PRKN: variants seen among roughly 807,000 people sequenced by gnomAD.
PRKN encodes the protein parkin RBR E3 ubiquitin protein ligase.
In PRKN, 56 loss-of-function variants were observed where a neutral mutation model predicts 59.5. The ratio of observed to expected loss-of-function variants is 0.94; its 90% confidence interval spans 0.76 to 1.18. The LOEUF (loss-of-function observed/expected upper bound fraction) is 1.18, where lower values mean the gene tolerates loss of function less well. PRKN is among the 50% of genes most tolerant of loss of function. The pLI is 0.00. For synonymous variants in PRKN, 250 were observed against 222.1 expected (o/e 1.13, Z -1.12); for missense variants, 657 against 596.4 (o/e 1.10, Z -1.06).
chr6:162,080,205 T>G (rs989843464), intron 4 of PRKN, among the ~76,000 whole-genome samples: 1 of 152,132 alleles, frequency 6.6e-6, no homozygotes, highest in Non-Finnish European at 1.5e-5. Flanking sequence ...GAAAAGTACC[T>G]AAGTTCAAGA....
chr6:161,747,085 C>T (rs1005007722), intron 7 of PRKN, among the ~76,000 whole-genome samples: 1 of 152,106 alleles, frequency 6.6e-6, no homozygotes, highest in Non-Finnish European at 1.5e-5. Context: ...CTGTAAAGCA[C>T]TGGCAGAATA....
Position 161,498,721 on chromosome 6 carries a change from G to A in PRKN, c.1083+50133C>T, listed in dbSNP as rs527454106. ...CAACCCTATTGGACAGGCCTTACGCGTGAGAAACAAACCTTTGTTGTTTCA... is the reference window on the plus strand; with the variant it reads ...CAACCCTATTGGACAGGCCTTACGCATGAGAAACAAACCTTTGTTGTTTCA... On this transcript the variant is annotated intron_variant, in intron 9 of 11. Coordinates refer to ENST00000366898, the MANE Select transcript of PRKN (RefSeq NM_004562.3). The surrounding 1 kb of genome is among the most constrained non-coding windows in gnomAD (Gnocchi z 4.2). Among the ~76,000 whole-genome samples, 2 of 152,156 alleles carry A rather than the reference G, an allele frequency of 1.3e-5. No individual in the cohort carries two copies. The highest frequency in any genetic ancestry group is 2.4e-5 in the African/African-American group (1 of 41,432).
chr6:162,080,541 G>A lies in PRKN; in HGVS notation c.535-26367C>T, dbSNP rs562671653. On this transcript the variant is annotated intron_variant, in intron 4 of 11. Coordinates refer to ENST00000366898, the MANE Select transcript of PRKN (RefSeq NM_004562.3). ...CTTGCACTATACTGTAGTTTGTTAAGTATGCAATAGTCTTATGTCTAAAAC... is the reference window on the plus strand; with the variant it reads ...CTTGCACTATACTGTAGTTTGTTAAATATGCAATAGTCTTATGTCTAAAAC... Among the ~76,000 whole-genome samples, 4 of 152,200 alleles carry A rather than the reference G, an allele frequency of 2.6e-5. No homozygotes were observed. The South Asian group carries it at 8.3e-4, about 32-fold the overall frequency.
At chr6:162,661,199 T>G (rs970003523) in intron 1 of PRKN, among the ~76,000 whole-genome samples, 7 of 151,906 alleles carry the variant, frequency 4.6e-5, no homozygotes, top group African/African-American at 1.5e-4. Flanking sequence ...AGGCAAAGGT[T>G]GCAGTGAGCT....
intron 3 of PRKN, among the ~76,000 whole-genome samples, chr6:162,237,459 G>A (rs534206491): frequency 9.6e-4 from 146 of 152,156 alleles, no homozygotes; most frequent in Admixed American, 1.6e-3. Context: ...ATCTCCAGTG[G>A]TCTGTTAAAT....
chr6:162,650,433 C>A (rs1172748189), intron 1 of PRKN, among the ~76,000 whole-genome samples: 1 of 151,520 alleles, frequency 6.6e-6, no homozygotes, highest in African/African-American at 2.4e-5. Context: ...CCCGTCTCTA[C>A]TAAAAATACA....
intron 2 of PRKN, among the ~76,000 whole-genome samples, chr6:162,384,778 T>C (rs1031334322): frequency 1.3e-5 from 2 of 152,158 alleles, no homozygotes; most frequent in African/African-American, 4.8e-5. Context: ...TTAAATTGTC[T>C]TATATGGCGG....
intron 2 of PRKN, among the ~76,000 whole-genome samples, chr6:162,301,015 T>C (rs557352156): frequency 6.6e-6 from 1 of 151,964 alleles, no homozygotes; most frequent in Non-Finnish European, 1.5e-5. Context: ...CACAGTTTTA[T>C]AACTTCTGAA....
intron 7 of PRKN, among the ~76,000 whole-genome samples, chr6:161,685,933 C>A (rs966204114): frequency 1.2e-4 from 19 of 152,272 alleles, no homozygotes; most frequent in African/African-American, 3.8e-4. Flanking sequence ...CGGTCCCAGG[C>A]CTGTGGCTCA....
At chr6:161,639,305 T>C (rs549406076) in intron 7 of PRKN, among the ~76,000 whole-genome samples, 7 of 152,322 alleles carry the variant, frequency 4.6e-5, no homozygotes, top group East Asian at 1.9e-4. Context: ...CAAATGACCA[T>C]TGGGGATCAG....
chr6:162,112,740 A>C (rs1780495182), intron 4 of PRKN, among the ~76,000 whole-genome samples: 2 of 151,908 alleles, frequency 1.3e-5, no homozygotes, highest in South Asian at 4.1e-4. Flanking sequence ...GGAGTTCAAG[A>C]TCAGCTTCAG....
chr6:162,458,946 G>A (rs905622137), intron 1 of PRKN, among the ~76,000 whole-genome samples: 5 of 151,718 alleles, frequency 3.3e-5, no homozygotes, highest in South Asian at 2.1e-4. Context: ...CCAGCCTCCC[G>A]AGTAGCTGGG....
intron 2 of PRKN, among the ~76,000 whole-genome samples, chr6:162,276,212 G>A (rs954038464): frequency 1.1e-4 from 16 of 152,100 alleles, no homozygotes; most frequent in Non-Finnish European, 2.1e-4. Flanking sequence ...AATCTCCTTC[G>A]TCTTCCATCT....
intron 3 of PRKN, among the ~76,000 whole-genome samples, chr6:162,243,845 A>C (rs1562608756): frequency 6.6e-6 from 1 of 152,078 alleles, no homozygotes; most frequent in Non-Finnish European, 1.5e-5. Flanking sequence ...CTTTTCAAGA[A>C]TTACTGTTTC....
chr6:162,611,945 G>T (rs1782176695), intron 1 of PRKN, among the ~76,000 whole-genome samples: 1 of 152,030 alleles, frequency 6.6e-6, no homozygotes, highest in East Asian at 1.9e-4. Context: ...CAGCACTTTG[G>T]GAGGCCAAGG....
intron 4 of PRKN, among the ~76,000 whole-genome samples, chr6:162,159,155 CTCTA>C (rs1382662808): frequency 1.3e-5 from 2 of 150,904 alleles, no homozygotes; most frequent in African/African-American, 5.0e-5. Context: ...CCTTGCCTAT[CTCTA>C]TCTATTAAAT....
At chr6:161,598,456 G>A (rs1254438480) in intron 7 of PRKN, among the ~76,000 whole-genome samples, 3 of 152,112 alleles carry the variant, frequency 2.0e-5, no homozygotes, top group Admixed American at 6.6e-5. Flanking sequence ...CTTAACATAC[G>A]GGCTTGGTCA....
chr6:162,086,890 C>T (rs1017026665), intron 4 of PRKN, among the ~76,000 whole-genome samples: 1 of 152,082 alleles, frequency 6.6e-6, no homozygotes, highest in Non-Finnish European at 1.5e-5. Flanking sequence ...GCTCACAGTT[C>T]GTATTTGTGG....
chr6:162,201,101 C>A, intron 4 of PRKN, 30 bp downstream of exon 4: 1 of 1,612,736 alleles, frequency 6.2e-7, no homozygotes, highest in Non-Finnish European at 8.5e-7. Flanking sequence ...ATTTTCCTGG[C>A]AGTCTCATGC....
Sources: allele counts gnomAD v4.1 joint callset (sites outside exome capture counted in the v4.1 genomes callset), GRCh38; gene constraint gnomAD v4.1.1; non-coding constraint Gnocchi (gnomAD v3.1); transcripts MANE v1.5; gene names NCBI Gene and HGNC (gene_info 2026-07-23, HGNC 2026-07-21).